NEGR1: variants seen among roughly 807,000 people sequenced by gnomAD.
NEGR1 encodes neuronal growth regulator 1.
A neutral mutation model predicts 40.9 loss-of-function variants in NEGR1; 10 were observed. That is an observed-to-expected ratio of 0.24 (90% CI 0.15 to 0.42). The LOEUF (loss-of-function observed/expected upper bound fraction) is 0.42. Among genes scored for constraint, NEGR1 ranks in the 10% least tolerant of loss-of-function variants. The pLI, the probability that NEGR1 is intolerant of heterozygous loss-of-function variation, is 1.00. For missense variants in NEGR1, 352 were observed against 438.9 expected, an observed-to-expected ratio of 0.80 and a Z score of 1.77; for synonymous variants, 185 against 166.8, an observed-to-expected ratio of 1.11 and a Z score of -0.84.
At chr1:71,670,376 C>A (rs1397738994) in intron 4 of NEGR1, among the ~76,000 whole-genome samples, 1 of 151,776 alleles carries the variant, frequency 6.6e-6, no homozygotes, top group African/African-American at 2.4e-5. Context: ...TTAAGATTTT[C>A]TCACTGTATT....
intron 1 of NEGR1, among the ~76,000 whole-genome samples, chr1:72,261,261 C>G (rs561943781): frequency 5.3e-5 from 8 of 152,036 alleles, no homozygotes; most frequent in South Asian, 4.2e-4. Context: ...AAGTTCATAA[C>G]CAATTTGGAG....
chr1:72,246,821 C>T (rs1305072492), intron 1 of NEGR1, among the ~76,000 whole-genome samples: 1 of 152,200 alleles, frequency 6.6e-6, no homozygotes, highest in Non-Finnish European at 1.5e-5. Flanking sequence ...GGGCTCTGCC[C>T]TTACAAAGGC....
chr1:71,681,136 G>T (rs1297273650), intron 4 of NEGR1, among the ~76,000 whole-genome samples: 1 of 152,186 alleles, frequency 6.6e-6, no homozygotes, highest in African/African-American at 2.4e-5. Flanking sequence ...TGGATTTTTA[G>T]ATATCAGCAT....
intron 3 of NEGR1, among the ~76,000 whole-genome samples, chr1:71,717,195 T>C (rs1030642546): frequency 6.6e-6 from 1 of 152,216 alleles, no homozygotes; most frequent in Non-Finnish European, 1.5e-5. Context: ...TATCTGAATA[T>C]ATTTGTCTAC....
intron 6 of NEGR1, among the ~76,000 whole-genome samples, chr1:71,441,764 G>T (rs926173958): frequency 6.6e-6 from 1 of 152,120 alleles, no homozygotes; most frequent in Non-Finnish European, 1.5e-5. Context: ...ACTTCAAGGG[G>T]TAACTGCAGT....
intron 4 of NEGR1, among the ~76,000 whole-genome samples, chr1:71,630,304 C>T (rs926602825): frequency 2.5e-4 from 38 of 151,828 alleles, no homozygotes; most frequent in African/African-American, 2.9e-4. Context: ...TGTTTATAAA[C>T]GATACAGGAT....
intron 3 of NEGR1, among the ~76,000 whole-genome samples, chr1:71,744,216 C>T (rs1183809471): frequency 6.6e-6 from 1 of 151,090 alleles, no homozygotes; most frequent in African/African-American, 2.4e-5. Flanking sequence ...CAAATCTTTA[C>T]TCTGCTCTGC....
chr1:71,909,574 A>C (rs1661368044), intron 2 of NEGR1, among the ~76,000 whole-genome samples: 1 of 152,318 alleles, frequency 6.6e-6, no homozygotes. Context: ...TTTTATAACC[A>C]AAACTGACAT....
At chr1:71,612,915 A>C (rs1412865517) in intron 4 of NEGR1, among the ~76,000 whole-genome samples, 2 of 152,224 alleles carry the variant, frequency 1.3e-5, no homozygotes, top group Non-Finnish European at 2.9e-5. Flanking sequence ...TTTTCAGTGG[A>C]TTCCAAGTTT....
At chr1:72,255,844 C>T (rs2100537673) in intron 1 of NEGR1, among the ~76,000 whole-genome samples, 1 of 152,218 alleles carries the variant, frequency 6.6e-6, no homozygotes, top group African/African-American at 2.4e-5. Context: ...CCACTATGGC[C>T]AGCCAATACA....
chr1:71,459,241 T>G (rs1557533477), intron 6 of NEGR1, among the ~76,000 whole-genome samples: 1 of 152,126 alleles, frequency 6.6e-6, no homozygotes, highest in Non-Finnish European at 1.5e-5. Flanking sequence ...GATTTTCTCT[T>G]CCATAAAGTC....
intron 2 of NEGR1, among the ~76,000 whole-genome samples, chr1:71,883,836 T>G (rs1240496936): frequency 2.0e-5 from 3 of 151,126 alleles, no homozygotes; most frequent in Non-Finnish European, 4.4e-5. Flanking sequence ...TTTGGTTTTC[T>G]GTCTAAAGGA....
chr1:71,778,232 A>G (rs922020917), intron 2 of NEGR1, among the ~76,000 whole-genome samples: 3 of 152,018 alleles, frequency 2.0e-5, no homozygotes, highest in African/African-American at 7.2e-5. Context: ...CTGACTTACA[A>G]TGGTTCAATT....
At chr1:71,504,674 G>A (rs1411567896) in intron 6 of NEGR1, among the ~76,000 whole-genome samples, 2 of 152,130 alleles carry the variant, frequency 1.3e-5, no homozygotes, top group Admixed American at 1.3e-4. Context: ...ATACTGGAGT[G>A]GCTTGCTCCT....
At chr1:71,712,873 C>T (rs1654149571) in intron 3 of NEGR1, among the ~76,000 whole-genome samples, 4 of 152,140 alleles carry the variant, frequency 2.6e-5, no homozygotes, top group Admixed American at 2.0e-4. Context: ...CTCTCTCTCT[C>T]TCTCCTGCCA....
chr1:71,956,941 G>A (rs898198493), intron 1 of NEGR1, among the ~76,000 whole-genome samples: 2 of 152,122 alleles, frequency 1.3e-5, no homozygotes, highest in Non-Finnish European at 2.9e-5. Flanking sequence ...TCCCTGGGAT[G>A]TTAACAAGCA....
At chr1:72,092,304 T>C (rs1164256033) in intron 1 of NEGR1, among the ~76,000 whole-genome samples, 2 of 152,240 alleles carry the variant, frequency 1.3e-5, no homozygotes, top group Middle Eastern at 3.4e-3. Context: ...ATAGCAACTT[T>C]CAGTCTAGTC....
In NEGR1 at chr1:71,402,358, C is replaced by T. The variant is rs548139107; in HGVS notation, c.*5088G>A. The T allele has an allele frequency of 1.3e-5, 2 of 152,266 alleles. No homozygotes were observed. Among genetic ancestry groups the T allele is most frequent in the African/African-American group, 4.8e-5 (2 of 41,560 alleles). The allele number at this position is 152,266 out of a possible 1,614,324, so 9.4% of individuals were successfully genotyped here. On this transcript the variant is annotated 3_prime_UTR_variant, in exon 7 of 7. Coordinates refer to ENST00000357731, the MANE Select transcript of NEGR1 (RefSeq NM_173808.3). ...GACCCTTTGGGGAAAACTATAGTTGCCACAATTGTCTCTGAAATGAAGCAT... is the reference window on the plus strand; with the variant it reads ...GACCCTTTGGGGAAAACTATAGTTGTCACAATTGTCTCTGAAATGAAGCAT...
At chr1:71,471,324 T>C (rs1453338820) in intron 6 of NEGR1, among the ~76,000 whole-genome samples, 2 of 152,162 alleles carry the variant, frequency 1.3e-5, no homozygotes, top group Non-Finnish European at 2.9e-5. Flanking sequence ...TAAATTATTA[T>C]ATTGTGATTC....
Sources: allele counts gnomAD v4.1 joint callset (sites outside exome capture counted in the v4.1 genomes callset), GRCh38; gene constraint gnomAD v4.1.1; transcripts MANE v1.5; gene names NCBI Gene and HGNC (gene_info 2026-07-23, HGNC 2026-07-21).